Variants in ELP1 observed in about 807,000 individuals in gnomAD.
ELP1 encodes elongator complex protein 1.
A neutral mutation model predicts 183.2 loss-of-function variants in ELP1; 131 were observed. The ratio of observed to expected loss-of-function variants is 0.72; its 90% CI spans 0.62 to 0.83. ELP1 has a LOEUF of 0.83. Ranked by LOEUF, ELP1 falls within the 40% of genes least tolerant of loss-of-function variation. ELP1 has a pLI of 0.00. For missense variants in ELP1, 1,550 were observed against 1,594.9 expected (o/e 0.97, Z 0.48); for synonymous variants, 555 against 569.0 (o/e 0.98, Z 0.35).
intron 36 of ELP1, among the ~76,000 whole-genome samples, chr9:108,872,762 G>A (rs1018767625): frequency 1.0e-4 from 13 of 126,250 alleles, no homozygotes; most frequent in East Asian, 2.4e-4. Context: ...CCGAGATTGC[G>A]CCACTGCACT....
chr9:108,910,580 T>C (rs573185851), intron 12 of ELP1, among the ~76,000 whole-genome samples: 5 of 152,326 alleles, frequency 3.3e-5, no homozygotes, highest in African/African-American at 9.6e-5. Flanking sequence ...TGTCCATTCT[T>C]GTTCAAACAA....
At chr9:108,888,548 C>G (rs559446262) in intron 29 of ELP1, among the ~76,000 whole-genome samples, 1 of 152,256 alleles carries the variant, frequency 6.6e-6, no homozygotes, top group African/African-American at 2.4e-5. Flanking sequence ...CTTTCCAACC[C>G]AACCTATCTA....
intron 7 of ELP1, 139 bp from the exon 8 acceptor site, chr9:108,919,040 C>T: frequency 2.5e-6 from 2 of 807,702 alleles, no homozygotes; most frequent in Non-Finnish European, 4.2e-6. Context: ...AATTTTGTTA[C>T]AAATTTGTGT....
intron 11 of ELP1, among the ~76,000 whole-genome samples, chr9:108,911,737 T>C (rs570794888): frequency 1.2e-4 from 19 of 152,278 alleles, no homozygotes; most frequent in African/African-American, 1.7e-4. Flanking sequence ...CACTCTTCAG[T>C]CTTGCCCTTC....
chr9:108,904,969 A>T (rs1341929698), intron 14 of ELP1, among the ~76,000 whole-genome samples: 2 of 152,240 alleles, frequency 1.3e-5, no homozygotes, highest in Non-Finnish European at 2.9e-5. Flanking sequence ...GACTGCATCA[A>T]GCTTTTGCCT....
chr9:108,927,817 T>G (rs1175813716), intron 3 of ELP1, among the ~76,000 whole-genome samples: 1 of 152,218 alleles, frequency 6.6e-6, no homozygotes, highest in Non-Finnish European at 1.5e-5. Context: ...TCTCACTTAT[T>G]TGTGCGATCT....
intron 14 of ELP1, among the ~76,000 whole-genome samples, chr9:108,904,149 A>G (rs966781601): frequency 2.6e-5 from 4 of 152,160 alleles, no homozygotes; most frequent in Admixed American, 2.0e-4. Flanking sequence ...ATATCGATTG[A>G]TGGAAAATTG....
chr9:108,912,753 GTTTT>G (rs554750757), intron 10 of ELP1, among the ~76,000 whole-genome samples: 2 of 132,778 alleles, frequency 1.5e-5, no homozygotes, highest in Admixed American at 7.5e-5. Context: ...GTTTATTTTC[GTTTT>G]TTTTTTTTTT....
At chr9:108,889,495 C>A in intron 28 of ELP1, 102 bp from the exon 29 acceptor site, 1 of 1,084,764 alleles carries the variant, frequency 9.2e-7, no homozygotes, top group Admixed American at 1.7e-5. Context: ...TATGTACTTT[C>A]TGAATTTCTG....
intron 29 of ELP1, among the ~76,000 whole-genome samples, chr9:108,887,156 C>A (rs1365880860): frequency 6.6e-6 from 1 of 152,142 alleles, no homozygotes; most frequent in African/African-American, 2.4e-5. Context: ...TTGTAGTGAG[C>A]TGAGATCACA....
rs368605186 is a variant in ELP1 at position 108,916,325 on chromosome 9, G to C, written c.865-28C>G. On this transcript the variant is annotated intron_variant, in intron 9 of 36. Coordinates refer to ENST00000374647, the MANE Select transcript of ELP1 (RefSeq NM_003640.5). ...AGAAGGGAAAAAAGATCTGTCATTG[G>C]CTTTCAGTTATGGATTTACTTCCAA... is the stretch of plus-strand genomic sequence containing the variant. 8 of 1,544,284 alleles carry C rather than the reference G, an allele frequency of 5.2e-6. No individual in the cohort carries two copies. In the African/African-American group the frequency reaches 9.5e-5, roughly 18 times the overall value.
At chr9:108,889,459 T>C in intron 28 of ELP1, 66 bp from the exon 29 acceptor site, 2 of 1,363,848 alleles carry the variant, frequency 1.5e-6, no homozygotes, top group Admixed American at 3.4e-5. Flanking sequence ...AGTGCTTCTT[T>C]AATATGTCTT....
intron 5 of ELP1, among the ~76,000 whole-genome samples, chr9:108,923,639 G>A (rs1168304583): frequency 6.6e-6 from 1 of 152,130 alleles, no homozygotes; most frequent in Non-Finnish European, 1.5e-5. Context: ...GGTGATAGAG[G>A]GGCTGCAGGT....
At chr9:108,898,613 A>T (rs1025324289) in intron 21 of ELP1, 32 bp from the exon 22 acceptor site, 4 of 1,600,314 alleles carry the variant, frequency 2.5e-6, no homozygotes, top group Admixed American at 3.3e-5. Context: ...ATCTTCGTTC[A>T]GATCATATTA....
In ELP1 at chr9:108,900,348, T is replaced by A. The variant is rs1312815600; in HGVS notation, c.2042A>T (p.His681Leu). ...KTLQAGLSSN[H>L]VSHGEVLRKV... is the part of the protein sequence containing the mutation. ...CCGCAGAACTTCCCCATGGGACACA[T>A]GATTGCTGCTCAGGCCGGCCTGTAA... is the stretch of plus-strand genomic sequence containing the variant. The change falls in exon 19 of 37, where the codon CAT (histidine) becomes CTT (leucine). Residue 681 changes from histidine to leucine, a missense_variant. By Grantham distance (99) the His-to-Leu change is moderately conservative (BLOSUM62 -3). Transcript: ENST00000374647. The A allele has an allele frequency of 6.2e-7, 1 of 1,614,042 alleles. No homozygotes were observed. Among genetic ancestry groups the A allele is most frequent in the Admixed American group, 1.7e-5 (1 of 60,008 alleles).
At position 108,880,053 on chromosome 9, in the gene ELP1, C is replaced by T; in HGVS notation, c.3459G>A (p.Leu1153=). The change falls in exon 32 of 37, where the codon CTG becomes CTA. Residue 1153 remains leucine, a splice_region_variant and synonymous_variant. Coordinates refer to ENST00000374647, the MANE Select transcript of ELP1 (RefSeq NM_003640.5). ...ELKEQAQQAG[L]DDEVPHGQES... ...GATGGCCTTCACGCAGATACTCACC[C>T]AGACCTGCCTGCTGGGCTTGCTCCT... 1.9e-6 allele frequency: 3 copies of T among 1,607,556 alleles called. No homozygotes were observed. The highest frequency in any genetic ancestry group is 2.6e-6 in the Non-Finnish European group (3 of 1,173,940).
chr9:108,877,856 T>C, intron 35 of ELP1, 139 bp downstream of exon 35: 4 of 889,516 alleles, frequency 4.5e-6, no homozygotes, highest in Non-Finnish European at 7.4e-6. Flanking sequence ...TACTGACAGC[T>C]TACACATAAA....
chr9:108,868,965 G>A lies in ELP1; in HGVS notation c.*150C>T. 1.4e-6 allele frequency: 1 copy of A among 728,322 alleles called. No homozygotes were observed. The highest frequency in any genetic ancestry group is 2.5e-6 in the Non-Finnish European group (1 of 395,316). 45.1% of individuals were successfully genotyped at this position (728,322 alleles called of 1,614,324 possible). On this transcript the variant is annotated 3_prime_UTR_variant, in exon 37 of 37. Transcript: ENST00000374647. Reference sequence around the variant, plus strand: ...CATAAAATAAATAGAATTGCTTGTTGTCTGCTGAAGTTCTTGGCAATGCTA... The same window carrying A: ...CATAAAATAAATAGAATTGCTTGTTATCTGCTGAAGTTCTTGGCAATGCTA...
intron 29 of ELP1, among the ~76,000 whole-genome samples, chr9:108,884,955 C>T (rs895981649): frequency 1.3e-5 from 2 of 151,988 alleles, no homozygotes; most frequent in African/African-American, 4.8e-5. Context: ...GTGGCATGCA[C>T]CTGTAATCCC....
Sources: allele counts gnomAD v4.1 joint callset (sites outside exome capture counted in the v4.1 genomes callset), GRCh38; gene constraint gnomAD v4.1.1; transcripts MANE v1.5; gene names NCBI Gene and HGNC (gene_info 2026-07-23, HGNC 2026-07-21).